Variants in WWOX observed in about 807,000 individuals in gnomAD.
WWOX encodes WW domain-containing oxidoreductase.
A neutral mutation model predicts 46.2 loss-of-function variants in WWOX; 69 were observed. The observed-to-expected ratio is 1.49, with a 90% CI of 1.23 to 1.82. The LOEUF is 1.82. WWOX is among the 40% of genes most tolerant of loss of function. WWOX has a pLI of 0.00. For missense variants in WWOX, 919 were observed against 542.6 expected (o/e 1.69, Z -6.89); for synonymous variants, 359 against 202.6 (o/e 1.77, Z -6.56).
intron 8 of WWOX, among the ~76,000 whole-genome samples, chr16:78,501,075 C>T (rs1010199478): frequency 1.9e-4 from 29 of 152,088 alleles, no homozygotes; most frequent in African/African-American, 6.5e-4. Flanking sequence ...TTGGGCAGGG[C>T]AGAGGGTCAG....
At chr16:79,080,582 A>T (rs576099998) in intron 8 of WWOX, among the ~76,000 whole-genome samples, 5 of 152,318 alleles carry the variant, frequency 3.3e-5, no homozygotes, top group East Asian at 3.9e-4. Context: ...TGAATCTCGA[A>T]TCCAAATTCC....
chr16:79,027,689 T>C (rs555919811), intron 8 of WWOX, among the ~76,000 whole-genome samples: 4 of 151,896 alleles, frequency 2.6e-5, no homozygotes, highest in East Asian at 3.9e-4. Context: ...GAGATACTTA[T>C]CTCCTCCTTA....
chr16:78,670,311 C>G (rs531684531), intron 8 of WWOX, among the ~76,000 whole-genome samples: 1 of 152,164 alleles, frequency 6.6e-6, no homozygotes, highest in Non-Finnish European at 1.5e-5. Flanking sequence ...TTCCGACCCT[C>G]CCGTGATTCT....
At chr16:78,963,519 G>A (rs1260051519) in intron 8 of WWOX, among the ~76,000 whole-genome samples, 1 of 152,180 alleles carries the variant, frequency 6.6e-6, no homozygotes, top group African/African-American at 2.4e-5. Context: ...GCAGACAGCA[G>A]TCGCTTCACT....
intron 8 of WWOX, among the ~76,000 whole-genome samples, chr16:78,740,392 C>G (rs907469713): frequency 6.6e-6 from 1 of 152,176 alleles, no homozygotes; most frequent in Non-Finnish European, 1.5e-5. Context: ...GAAGATGGCT[C>G]TGCTAATAGG....
chr16:79,177,765 G>A (rs546579435), intron 8 of WWOX, among the ~76,000 whole-genome samples: 1 of 152,356 alleles, frequency 6.6e-6, no homozygotes, highest in South Asian at 2.1e-4. Flanking sequence ...AAAAGGGACA[G>A]ATAGTAAATA....
intron 5 of WWOX, among the ~76,000 whole-genome samples, chr16:78,199,548 C>G (rs1398449119): frequency 1.3e-5 from 2 of 152,162 alleles, no homozygotes; most frequent in Non-Finnish European, 2.9e-5. Flanking sequence ...TTCTCATGGG[C>G]TCTTCTCTTT....
chr16:78,849,693 T>A (rs868846704), intron 8 of WWOX, among the ~76,000 whole-genome samples: 1 of 152,044 alleles, frequency 6.6e-6, no homozygotes, highest in Non-Finnish European at 1.5e-5. Flanking sequence ...TTTCCCTCCC[T>A]AGACTAGATT....
chr16:78,708,176 G>GC (rs2142314716), intron 8 of WWOX, among the ~76,000 whole-genome samples: 1 of 152,228 alleles, frequency 6.6e-6, no homozygotes, highest in East Asian at 1.9e-4. Flanking sequence ...GAGTGGTAGA[G>GC]CAAGACCCTG....
chr16:79,167,274 A>G (rs2050613283), intron 8 of WWOX, among the ~76,000 whole-genome samples: 1 of 152,224 alleles, frequency 6.6e-6, no homozygotes, highest in Non-Finnish European at 1.5e-5. Flanking sequence ...ATTTTAAAAA[A>G]TTAGCAAAGA....
At chr16:78,669,116 G>A (rs567815099) in intron 8 of WWOX, among the ~76,000 whole-genome samples, 41 of 152,020 alleles carry the variant, frequency 2.7e-4, no homozygotes, top group African/African-American at 9.2e-4. Context: ...AACCACCTCC[G>A]TTGCTGTGGC....
chr16:78,954,628 C>G (rs751788164), intron 8 of WWOX, among the ~76,000 whole-genome samples: 7 of 152,090 alleles, frequency 4.6e-5, no homozygotes, highest in African/African-American at 7.2e-5. Flanking sequence ...AAATAAGATA[C>G]AGACCTGACC....
At chr16:78,834,804 C>CA (rs34041940) in intron 8 of WWOX, among the ~76,000 whole-genome samples, 2 of 151,964 alleles carry the variant, frequency 1.3e-5, no homozygotes, top group Non-Finnish European at 2.9e-5. Context: ...TACCCAGAAC[C>CA]AAAAAAATTA....
intron 5 of WWOX, among the ~76,000 whole-genome samples, chr16:78,377,696 C>CT (rs2081863059): frequency 6.6e-6 from 1 of 152,168 alleles, no homozygotes; most frequent in Non-Finnish European, 1.5e-5. Context: ...TATTTTCGCT[C>CT]TCTTATTAGT....
chr16:79,168,797 A>C (rs2050644402), intron 8 of WWOX, among the ~76,000 whole-genome samples: 1 of 152,192 alleles, frequency 6.6e-6, no homozygotes. Flanking sequence ...GTTTGTATCC[A>C]GCTGAGATCC....
intron 4 of WWOX, among the ~76,000 whole-genome samples, chr16:78,122,540 C>A (rs1251989277): frequency 6.6e-6 from 1 of 151,710 alleles, no homozygotes; most frequent in Non-Finnish European, 1.5e-5. Flanking sequence ...ATAATTTGAT[C>A]TTTTGCTTTT....
intron 8 of WWOX, among the ~76,000 whole-genome samples, chr16:78,521,135 T>C (rs112768023): frequency 6.6e-6 from 1 of 152,232 alleles, no homozygotes; most frequent in East Asian, 1.9e-4. Context: ...ACAGCTGTCT[T>C]ATATAACTTA....
chr16:78,987,407 G>A (rs538410143), intron 8 of WWOX, among the ~76,000 whole-genome samples: 85 of 152,294 alleles, frequency 5.6e-4, no homozygotes, highest in African/African-American at 1.9e-3. Context: ...TTTCAAGTTT[G>A]TTCATGCTGG....
At chr16:78,472,595 G>A (rs1181078785) in intron 8 of WWOX, among the ~76,000 whole-genome samples, 10 of 151,976 alleles carry the variant, frequency 6.6e-5, no homozygotes, top group Admixed American at 6.6e-4. Context: ...GATCACCTGA[G>A]GTCAGGAGTT....
Sources: allele counts gnomAD v4.1 joint callset (sites outside exome capture counted in the v4.1 genomes callset), GRCh38; gene constraint gnomAD v4.1.1; transcripts MANE v1.5; gene names NCBI Gene and HGNC (gene_info 2026-07-23, HGNC 2026-07-21).